The following HPSE2 variants were observed in gnomAD, a reference collection of about 807,000 sequenced individuals.
HPSE2 encodes inactive heparanase-2.
A neutral mutation model predicts 60.5 loss-of-function variants in HPSE2; 38 were observed. The observed-to-expected ratio is 0.63, with a 90% CI of 0.48 to 0.82. The LOEUF is 0.82. Ranked by LOEUF, HPSE2 falls within the 40% of genes least tolerant of loss-of-function variation. HPSE2 has a pLI of 0.00. For synonymous variants in HPSE2, 295 were observed against 293.2 expected, an observed-to-expected ratio of 1.01 and a Z score of -0.06; for missense variants, 713 against 740.4, an observed-to-expected ratio of 0.96 and a Z score of 0.43.
chr10:99,119,115 G>GGGAGGGAA (rs1844843453), intron 3 of HPSE2, among the ~76,000 whole-genome samples: 3 of 150,004 alleles, frequency 2.0e-5, no homozygotes, highest in East Asian at 2.0e-4. Context: ...GAGGGAGGGA[G>GGGAGGGAA]GGAGGGAAGG....
chr10:98,986,498 T>A (rs910819075), intron 3 of HPSE2, among the ~76,000 whole-genome samples: 6 of 150,942 alleles, frequency 4.0e-5, no homozygotes, highest in East Asian at 1.9e-4. Flanking sequence ...AAGCAGTGTG[T>A]AGAGGGAAAT....
At chr10:98,462,608 T>G (rs1261143162) in intron 11 of HPSE2, among the ~76,000 whole-genome samples, 2 of 152,328 alleles carry the variant, frequency 1.3e-5, no homozygotes, top group Non-Finnish European at 2.9e-5. Context: ...TTGGCTCCCA[T>G]GATATTTCTC....
intron 9 of HPSE2, among the ~76,000 whole-genome samples, chr10:98,516,805 C>T (rs1942617539): frequency 6.6e-6 from 1 of 152,174 alleles, no homozygotes; most frequent in Non-Finnish European, 1.5e-5. Context: ...GACCTTCACA[C>T]TGTGAGTAGG....
chr10:99,072,429 A>T (rs552746904), intron 3 of HPSE2, among the ~76,000 whole-genome samples: 52 of 152,324 alleles, frequency 3.4e-4, no homozygotes, highest in African/African-American at 1.2e-3. Flanking sequence ...TCTAGAATCA[A>T]CAAGAAACTT....
In HPSE2 at chr10:98,721,681, T is replaced by C; in HGVS notation, c.932A>G (p.Lys311Arg). 6.2e-7 allele frequency: 1 copy of C among 1,613,778 alleles called. No individual in the cohort carries two copies. The highest frequency in any genetic ancestry group is 8.5e-7 in the Non-Finnish European group (1 of 1,179,878). Residue 311 changes from lysine (K) to arginine (R), a missense_variant, in exon 5 of 12, where the codon AAG (lysine) becomes AGG (arginine). Lys to Arg is a conservative substitution (Grantham distance 26). Coordinates refer to ENST00000370552, the MANE Select transcript of HPSE2 (RefSeq NM_021828.5). ...LYGPNIGRPR[K>R]NVIALLDGFM... ...CCCATCTAGGAGGGCGATGACATTC[T>C]TCCTCGGCCGCCCAATATTAGGGCC... is the stretch of plus-strand genomic sequence containing the variant.
At chr10:99,208,329 T>C (rs893371919) in intron 2 of HPSE2, among the ~76,000 whole-genome samples, 2 of 152,028 alleles carry the variant, frequency 1.3e-5, no homozygotes, top group African/African-American at 2.4e-5. Context: ...AAAATCACAA[T>C]AGTAAGTCCT....
intron 2 of HPSE2, among the ~76,000 whole-genome samples, chr10:99,211,066 T>C (rs1299980440): frequency 2.6e-5 from 4 of 152,086 alleles, no homozygotes; most frequent in African/African-American, 9.7e-5. Context: ...TCAGTAAAGT[T>C]GCAGGGTACA....
chr10:99,121,115 T>C (rs1201153071), intron 3 of HPSE2, among the ~76,000 whole-genome samples: 1 of 152,152 alleles, frequency 6.6e-6, no homozygotes, highest in African/African-American at 2.4e-5. Context: ...TATGCAGTCA[T>C]AAAAAGTAAG....
At position 98,986,481 on chromosome 10, in the gene HPSE2, A is replaced by G. The variant is rs377643939; in HGVS notation, c.610+157757T>C. On this transcript the variant is annotated intron_variant, in intron 3 of 11. Transcript: ENST00000370552. ...CACAACATACCAGAATCTCTGGGAC[A>G]CATTCAAAGCAGTGTGTAGAGGGAA... Among the ~76,000 whole-genome samples the G allele has an allele frequency of 3.5e-4, 53 of 151,506 alleles. No homozygotes were observed. In the East Asian group the frequency reaches 4.4e-3, roughly 13 times the overall value.
intron 2 of HPSE2, among the ~76,000 whole-genome samples, chr10:99,231,381 A>G (rs1234050773): frequency 6.6e-6 from 1 of 152,200 alleles, no homozygotes; most frequent in Non-Finnish European, 1.5e-5. Flanking sequence ...GCCCTCCAAG[A>G]ATGGACACTA....
chr10:98,665,295 C>CA (rs1209026493), intron 6 of HPSE2, among the ~76,000 whole-genome samples: 5 of 152,066 alleles, frequency 3.3e-5, no homozygotes, highest in Non-Finnish European at 7.4e-5. Flanking sequence ...TGTAAAGAGA[C>CA]AAAATCTATG....
At chr10:98,942,439 T>A (rs1483934689) in intron 3 of HPSE2, among the ~76,000 whole-genome samples, 1 of 150,110 alleles carries the variant, frequency 6.7e-6, no homozygotes, top group Non-Finnish European at 1.5e-5. Context: ...CAGACACTTC[T>A]CAAAAGAAGA....
the HPSE2 span, among the ~76,000 whole-genome samples, chr10:99,315,827 G>T: frequency 6.6e-6 from 1 of 152,112 alleles, no homozygotes; most frequent in African/African-American, 2.4e-5. Flanking sequence ...TCACAGACAC[G>T]TTCCAAATCT....
At chr10:98,718,817 G>A (rs1948852301) in intron 5 of HPSE2, among the ~76,000 whole-genome samples, 2 of 151,816 alleles carry the variant, frequency 1.3e-5, no homozygotes, top group African/African-American at 4.8e-5. Context: ...AGAGAGGTTG[G>A]TTAATGGGTA....
chr10:99,244,349 A>C, the HPSE2 span, among the ~76,000 whole-genome samples: 1 of 150,228 alleles, frequency 6.7e-6, no homozygotes, highest in African/African-American at 2.4e-5. Flanking sequence ...CTCTAGGCTA[A>C]TGGCATACTT....
chr10:98,788,458 T>C (rs1950578490), intron 3 of HPSE2, among the ~76,000 whole-genome samples: 1 of 132,860 alleles, frequency 7.5e-6, no homozygotes. Context: ...CTCCTTGAGC[T>C]GTGGTGGGCT....
chr10:98,826,141 A>G (rs1334336344), intron 3 of HPSE2, among the ~76,000 whole-genome samples: 1 of 152,206 alleles, frequency 6.6e-6, no homozygotes, highest in Non-Finnish European at 1.5e-5. Context: ...TGTATGCTCC[A>G]AAGAATGCAA....
intron 3 of HPSE2, among the ~76,000 whole-genome samples, chr10:98,970,251 C>T (rs1955917955): frequency 6.6e-6 from 1 of 152,078 alleles, no homozygotes; most frequent in African/African-American, 2.4e-5. Flanking sequence ...GCCTGAGCCA[C>T]CACGCCCGGC....
chr10:98,644,616 G>A (rs1197157937), intron 6 of HPSE2, among the ~76,000 whole-genome samples: 1 of 152,104 alleles, frequency 6.6e-6, no homozygotes, highest in Non-Finnish European at 1.5e-5. Flanking sequence ...ACATATCCAG[G>A]GACAAGAATT....
Sources: gnomAD v4.1 joint callset for allele counts (sites outside exome capture counted in the v4.1 genomes callset) on GRCh38, gnomAD v4.1.1 for gene constraint, MANE v1.5 for transcripts, NCBI Gene and HGNC (gene_info 2026-07-23, HGNC 2026-07-21) for gene names.